SPOCK1: variants seen among roughly 807,000 people sequenced by gnomAD.
SPOCK1 encodes the protein testican-1.
Under a neutral mutation model 55.3 loss-of-function variants are expected in SPOCK1, and 23 were observed. The observed-to-expected ratio is 0.42, with a 90% confidence interval of 0.30 to 0.59. The LOEUF is 0.59. Among genes scored for constraint, SPOCK1 ranks in the 20% least tolerant of loss-of-function variants. SPOCK1 has a pLI of 0.22. For synonymous variants in SPOCK1, 226 were observed against 221.0 expected (o/e 1.02, Z -0.20); for missense variants, 499 against 552.5 (o/e 0.90, Z 0.97).
intron 4 of SPOCK1, among the ~76,000 whole-genome samples, chr5:137,116,465 C>T (rs1447698085): frequency 6.6e-6 from 1 of 151,864 alleles, no homozygotes; most frequent in South Asian, 2.1e-4. Context: ...GCCAACATAG[C>T]GAAACCCCGT....
At chr5:137,452,797 C>T (rs1753283054) in intron 2 of SPOCK1, among the ~76,000 whole-genome samples, 1 of 152,178 alleles carries the variant, frequency 6.6e-6, no homozygotes, top group Non-Finnish European at 1.5e-5. Context: ...TCTGTTTCCT[C>T]CACTGCTCTA....
At chr5:136,997,118 C>A (rs2126966693) in intron 6 of SPOCK1, among the ~76,000 whole-genome samples, 1 of 152,274 alleles carries the variant, frequency 6.6e-6, no homozygotes, top group Middle Eastern at 3.4e-3. Context: ...TATGACGTAT[C>A]ATTTTTACAC....
At chr5:137,343,017 A>G (rs772576694) in intron 2 of SPOCK1, among the ~76,000 whole-genome samples, 7 of 152,244 alleles carry the variant, frequency 4.6e-5, no homozygotes, top group Non-Finnish European at 7.3e-5. Flanking sequence ...TGTTAAACCA[A>G]AAGAACTGTA....
intron 2 of SPOCK1, among the ~76,000 whole-genome samples, chr5:137,281,568 CA>C (rs1469241049): frequency 6.6e-6 from 1 of 152,258 alleles, no homozygotes; most frequent in East Asian, 1.9e-4. Context: ...CACCCACCAA[CA>C]CATAGCCCAT....
intron 2 of SPOCK1, among the ~76,000 whole-genome samples, chr5:137,310,476 T>C (rs1757770527): frequency 6.6e-6 from 1 of 152,256 alleles, no homozygotes; most frequent in Non-Finnish European, 1.5e-5. Context: ...GTTGAAATAA[T>C]TGTTTTGAAG....
At chr5:137,023,055 T>C (rs1751604937) in intron 6 of SPOCK1, among the ~76,000 whole-genome samples, 1 of 152,240 alleles carries the variant, frequency 6.6e-6, no homozygotes, top group Non-Finnish European at 1.5e-5. Context: ...ATGCTGGAGC[T>C]GACTGCCTGA....
chr5:137,297,145 C>T (rs1381854073), intron 2 of SPOCK1, among the ~76,000 whole-genome samples: 2 of 152,264 alleles, frequency 1.3e-5, no homozygotes, highest in East Asian at 3.9e-4. Flanking sequence ...TATATACACA[C>T]ACATACATGT....
chr5:137,448,065 T>C (rs532474493), intron 2 of SPOCK1, among the ~76,000 whole-genome samples: 4 of 152,254 alleles, frequency 2.6e-5, no homozygotes, highest in African/African-American at 9.6e-5. Context: ...CTGGCCACCA[T>C]GGTGAAACCC....
At chr5:137,282,183 T>C (rs536066592) in intron 2 of SPOCK1, among the ~76,000 whole-genome samples, 11 of 152,350 alleles carry the variant, frequency 7.2e-5, no homozygotes, top group African/African-American at 2.4e-4. Context: ...TCCTCTGCCT[T>C]ACGCTGATAA....
chr5:137,241,626 T>A (rs1756284172), intron 3 of SPOCK1, among the ~76,000 whole-genome samples: 1 of 152,052 alleles, frequency 6.6e-6, no homozygotes, highest in South Asian at 2.1e-4. Flanking sequence ...TATAAAAGGA[T>A]TCCAGTCTTT....
intron 4 of SPOCK1, among the ~76,000 whole-genome samples, chr5:137,130,467 C>A (rs1315360493): frequency 1.3e-5 from 2 of 152,204 alleles, no homozygotes; most frequent in African/African-American, 4.8e-5. Context: ...CCAAAGCATG[C>A]ACATGAGCAG....
intron 6 of SPOCK1, among the ~76,000 whole-genome samples, chr5:137,045,045 G>C (rs1308371602): frequency 1.4e-5 from 2 of 140,248 alleles, no homozygotes; most frequent in Non-Finnish European, 3.1e-5. Flanking sequence ...GTCTATCATT[G>C]TTGGACATTT....
intron 2 of SPOCK1, among the ~76,000 whole-genome samples, chr5:137,285,749 C>A (rs371917742): frequency 6.6e-6 from 1 of 152,122 alleles, no homozygotes; most frequent in Non-Finnish European, 1.5e-5. Context: ...GTAATGGAAG[C>A]CTTTTGCACC....
chr5:136,995,580 A>AT (rs1350405620), intron 6 of SPOCK1, among the ~76,000 whole-genome samples: 1 of 152,126 alleles, frequency 6.6e-6, no homozygotes, highest in African/African-American at 2.4e-5. Flanking sequence ...AATAGCCTCT[A>AT]TTTTTTCTCT....
intron 2 of SPOCK1, among the ~76,000 whole-genome samples, chr5:137,457,884 C>T (rs1753398939): frequency 6.6e-6 from 1 of 152,060 alleles, no homozygotes; most frequent in African/African-American, 2.4e-5. Flanking sequence ...GGGGGATAAA[C>T]CAAAGGATAC....
chr5:137,266,875 T>C, intron 3 of SPOCK1, 135 bp downstream of exon 3: 2 of 694,438 alleles, frequency 2.9e-6, no homozygotes, highest in Non-Finnish European at 4.9e-6. Flanking sequence ...ATCACCCCAG[T>C]CAATTCAGTC....
At chr5:137,405,238 A>C (rs1045221658) in intron 2 of SPOCK1, among the ~76,000 whole-genome samples, 4 of 152,204 alleles carry the variant, frequency 2.6e-5, no homozygotes, top group Non-Finnish European at 4.4e-5. Flanking sequence ...AATCAACCTG[A>C]AATGATTTTG....
chr5:137,345,083 A>G (rs1269223021), intron 2 of SPOCK1, among the ~76,000 whole-genome samples: 6 of 152,234 alleles, frequency 3.9e-5, no homozygotes, highest in Admixed American at 3.9e-4. Flanking sequence ...CACAATATAG[A>G]TCAATATTTA....
At chr5:136,997,595 C>T (rs2126966956) in intron 6 of SPOCK1, among the ~76,000 whole-genome samples, 1 of 152,334 alleles carries the variant, frequency 6.6e-6, no homozygotes, top group South Asian at 2.1e-4. Context: ...TCTTCTGTAT[C>T]TGCTCCTCCT....
Sources: gnomAD v4.1 joint callset for allele counts (sites outside exome capture counted in the v4.1 genomes callset) on GRCh38, gnomAD v4.1.1 for gene constraint, MANE v1.5 for transcripts, NCBI Gene and HGNC (gene_info 2026-07-23, HGNC 2026-07-21) for gene names.